MCMBP: variants seen among roughly 807,000 people sequenced by gnomAD.
The protein encoded by MCMBP is minichromosome maintenance complex binding protein, also known as mini-chromosome maintenance complex-binding protein.
Under a neutral mutation model 81.3 loss-of-function variants are expected in MCMBP, and 31 were observed. The ratio of observed to expected loss-of-function variants is 0.38; its 90% CI spans 0.29 to 0.51. The LOEUF (loss-of-function observed/expected upper bound fraction) is 0.51. Ranked by LOEUF, MCMBP falls within the 20% of genes least tolerant of loss-of-function variation. The pLI, the probability that MCMBP is intolerant of heterozygous loss-of-function variation, is 0.87. For synonymous variants in MCMBP, 267 were observed against 275.9 expected, an observed-to-expected ratio of 0.97 and a Z score of 0.32; for missense variants, 645 against 772.1, an observed-to-expected ratio of 0.84 and a Z score of 1.95.
intron 6 of MCMBP, 32 bp from the exon 7 acceptor site, chr10:119,849,608 A>G: frequency 6.6e-7 from 1 of 1,524,780 alleles, no homozygotes; most frequent in South Asian, 1.3e-5. Context: ...GCACTTAGTC[A>G]TTTCTAAGGC....
At chr10:119,856,345 T>C (rs1193084304) in intron 5 of MCMBP, among the ~76,000 whole-genome samples, 5 of 152,188 alleles carry the variant, frequency 3.3e-5, no homozygotes, top group Admixed American at 2.6e-4. Flanking sequence ...TTGGAGACTG[T>C]ATAAACAAAT....
At chr10:119,840,692 C>A in intron 11 of MCMBP, 151 bp downstream of exon 11, 1 of 495,374 alleles carries the variant, frequency 2.0e-6, no homozygotes. Context: ...GGGGAACGTA[C>A]ATTTTAAATT....
chr10:119,867,508 T>C (rs1202782882), intron 1 of MCMBP, among the ~76,000 whole-genome samples: 6 of 152,106 alleles, frequency 3.9e-5, no homozygotes, highest in African/African-American at 1.2e-4. Flanking sequence ...ACAGTCACGA[T>C]TGTCCTACCT....
intron 1 of MCMBP, among the ~76,000 whole-genome samples, chr10:119,864,047 C>G (rs2475319): frequency 1 from 152,190 of 152,234 alleles, 76,073 homozygotes; most frequent in Non-Finnish European, 1. Flanking sequence ...GTAATCACAA[C>G]GGTCCTTAAA....
At chr10:119,844,093 A>C (rs1852533158) in intron 8 of MCMBP, among the ~76,000 whole-genome samples, 1 of 152,214 alleles carries the variant, frequency 6.6e-6, no homozygotes. Context: ...CAGATCTCAA[A>C]AACTGGGGTC....
chr10:119,838,052 C>A (rs1852306948), intron 12 of MCMBP, among the ~76,000 whole-genome samples: 1 of 151,744 alleles, frequency 6.6e-6, no homozygotes, highest in Non-Finnish European at 1.5e-5. Flanking sequence ...TTATATACAA[C>A]TACGCAAAAG....
chr10:119,856,406 CAT>C (rs577958621), intron 5 of MCMBP, among the ~76,000 whole-genome samples: 95 of 152,310 alleles, frequency 6.2e-4, no homozygotes, highest in African/African-American at 2.1e-3. Flanking sequence ...CTGATACACA[CAT>C]GACTCAAATG....
intron 1 of MCMBP, among the ~76,000 whole-genome samples, chr10:119,868,234 T>C (rs1486324977): frequency 1.3e-5 from 2 of 152,180 alleles, no homozygotes; most frequent in African/African-American, 4.8e-5. Context: ...AAGACCAGCC[T>C]GGCCAACATG....
Position 119,835,614 on chromosome 10 carries a change from C to A in MCMBP, c.1633G>T (p.Val545Leu). The A allele has an allele frequency of 3.7e-6, 6 of 1,614,168 alleles. No individual in the cohort carries two copies. Among genetic ancestry groups the A allele is most frequent in the Non-Finnish European group, 5.1e-6 (6 of 1,180,016 alleles). ...AGATAAATGCGGAATTTGTTCAGCA[C>A]GGAAGGCAGCACCGCTGAGAGAAGG... is the stretch of plus-strand genomic sequence containing the variant. Reference protein sequence around the residue: ...NSLLSAVLPSVLNKFRIYLTL... With the variant: ...NSLLSAVLPSLLNKFRIYLTL... The change falls in exon 14 of 16, where the codon GTG (valine) becomes TTG (leucine). Residue 545 changes from valine (V) to leucine (L), a missense_variant. Val to Leu is a conservative substitution (Grantham distance 32). Transcript: ENST00000369077.
intron 11 of MCMBP, among the ~76,000 whole-genome samples, chr10:119,840,557 AAG>A (rs1395040786): frequency 6.6e-6 from 1 of 152,348 alleles, no homozygotes; most frequent in East Asian, 1.9e-4. Flanking sequence ...AGTGTACAAA[AAG>A]GATACCAAAT....
chr10:119,856,407 A>G (rs544687252), intron 5 of MCMBP, among the ~76,000 whole-genome samples: 14 of 152,168 alleles, frequency 9.2e-5, no homozygotes, highest in South Asian at 2.1e-4. Flanking sequence ...TGATACACAC[A>G]TGACTCAAAT....
At position 119,849,414 on chromosome 10, in the gene MCMBP, G is replaced by A. The variant is rs750460690; in HGVS notation, c.726+11C>T. On this transcript the variant is annotated intron_variant, in intron 7 of 15. Coordinates refer to ENST00000369077, the MANE Select transcript of MCMBP (RefSeq NM_001256378.2). The stretch of plus-strand genomic sequence containing the variant: ...ACATTTCAGTGTTGGATCTACGAAA[G>A]GTTTTATTACCTTCACAAGGCATGC... The A allele has an allele frequency of 3.8e-6, 6 of 1,599,302 alleles. No homozygotes were observed. The highest frequency in any genetic ancestry group is 1.4e-5 in the African/African-American group (1 of 73,652).
At chr10:119,835,839 G>A (rs1349640513) in intron 13 of MCMBP, 135 bp from the exon 14 acceptor site, 1 of 930,084 alleles carries the variant, frequency 1.1e-6, no homozygotes, top group Non-Finnish European at 1.6e-6. Context: ...AGGGAATAAT[G>A]TTTTTTTTTC....
intron 1 of MCMBP, among the ~76,000 whole-genome samples, chr10:119,863,122 A>AT (rs970650978): frequency 6.6e-5 from 10 of 151,566 alleles, no homozygotes; most frequent in South Asian, 2.1e-4. Flanking sequence ...TCCTAATAGA[A>AT]TTTTTTTTTA....
intron 1 of MCMBP, among the ~76,000 whole-genome samples, chr10:119,864,517 A>G (rs1311977216): frequency 7.4e-6 from 1 of 134,274 alleles, no homozygotes; most frequent in African/African-American, 2.8e-5. Flanking sequence ...CTTTTCTACT[A>G]TTGGTAATTT....
intron 1 of MCMBP, among the ~76,000 whole-genome samples, chr10:119,866,772 G>C (rs1853471584): frequency 6.6e-6 from 1 of 152,126 alleles, no homozygotes; most frequent in Non-Finnish European, 1.5e-5. Flanking sequence ...GGACCAGCCT[G>C]AGCAACATAG....
At chr10:119,838,220 A>G (rs118132581) in intron 12 of MCMBP, among the ~76,000 whole-genome samples, 13 of 148,364 alleles carry the variant, frequency 8.8e-5, no homozygotes, top group African/African-American at 2.9e-4. Context: ...GCTCCATTAT[A>G]TAATATATAA....
rs972765114 is a variant in MCMBP at position 119,857,205 on chromosome 10, T to A, written c.429+133A>T. 5.2e-6 allele frequency: 3 copies of A among 577,852 alleles called. No individual in the cohort carries two copies. In the African/African-American group the frequency reaches 5.7e-5, roughly 11 times the overall value. 35.8% of individuals were successfully genotyped at this position (577,852 alleles called of 1,614,324 possible). On this transcript the variant is annotated intron_variant, in intron 5 of 15. Transcript: ENST00000369077. The stretch of plus-strand genomic sequence containing the variant: ...CTCAGTGACAAATACTTAGCCCGTT[T>A]TATGGGTTTTCTCAATTAGAACAAA...
intron 13 of MCMBP, among the ~76,000 whole-genome samples, chr10:119,836,673 T>A (rs1172880694): frequency 6.6e-6 from 1 of 151,784 alleles, no homozygotes; most frequent in East Asian, 1.9e-4. Context: ...TCTCATGACT[T>A]GCTGATACCT....
Sources: gnomAD v4.1 joint callset for allele counts (sites outside exome capture counted in the v4.1 genomes callset) on GRCh38, gnomAD v4.1.1 for gene constraint, MANE v1.5 for transcripts, NCBI Gene and HGNC (gene_info 2026-07-23, HGNC 2026-07-21) for gene names.